DGCR2: variants seen among roughly 807,000 people sequenced by gnomAD.
The protein encoded by DGCR2 is integral membrane protein DGCR2/IDD.
In DGCR2, 24 loss-of-function variants were observed where a neutral mutation model predicts 51.6. The ratio of observed to expected loss-of-function variants is 0.47; its 90% confidence interval spans 0.34 to 0.65. The LOEUF (loss-of-function observed/expected upper bound fraction) is 0.65, where lower values mean the gene tolerates loss of function less well. Ranked by LOEUF, DGCR2 falls within the 30% of genes least tolerant of loss-of-function variation. The pLI is 0.01. For synonymous variants in DGCR2, 340 were observed against 315.4 expected (o/e 1.08, Z -0.82); for missense variants, 765 against 772.1 (o/e 0.99, Z 0.11).
intron 2 of DGCR2, among the ~76,000 whole-genome samples, chr22:19,072,710 T>C (rs1378317130): frequency 6.6e-6 from 1 of 151,862 alleles, no homozygotes; most frequent in Non-Finnish European, 1.5e-5. Flanking sequence ...CCGTCTCTAA[T>C]AAAAATGCAA....
At chr22:19,043,845 G>A (rs1020162793) in intron 7 of DGCR2, among the ~76,000 whole-genome samples, 1 of 152,172 alleles carries the variant, frequency 6.6e-6, no homozygotes, top group Non-Finnish European at 1.5e-5. Context: ...CCTCCCACGG[G>A]GCCAGGAAGC....
chr22:19,054,238 C>T (rs549279971), intron 6 of DGCR2, among the ~76,000 whole-genome samples: 6 of 152,234 alleles, frequency 3.9e-5, no homozygotes, highest in East Asian at 3.9e-4. Flanking sequence ...AAGTATAAAA[C>T]GCTTAATTAA....
At chr22:19,092,768 C>T (rs2083092631) in intron 1 of DGCR2, among the ~76,000 whole-genome samples, 1 of 152,090 alleles carries the variant, frequency 6.6e-6, no homozygotes, top group Admixed American at 6.5e-5. Context: ...AAGTCCTGTA[C>T]ACTGAAAAAT....
intron 7 of DGCR2, chr22:19,046,664 TG>T: frequency 3.0e-6 from 1 of 338,196 alleles, no homozygotes; most frequent in Non-Finnish European, 6.4e-6. Context: ...TCTCGGTTCT[TG>T]AGCACTTTCC....
At chr22:19,062,466 C>T (rs2082675146) in intron 5 of DGCR2, among the ~76,000 whole-genome samples, 3 of 152,326 alleles carry the variant, frequency 2.0e-5, no homozygotes, top group Non-Finnish European at 4.4e-5. Flanking sequence ...ATACTTAAGA[C>T]ATCAACAGCA....
intron 2 of DGCR2, among the ~76,000 whole-genome samples, chr22:19,071,418 A>C (rs1031718184): frequency 1.3e-5 from 2 of 152,232 alleles, no homozygotes; most frequent in African/African-American, 4.8e-5. Context: ...ATCACCAATA[A>C]TGAGACAAAA....
At chr22:19,101,990 G>A (rs751457270) in intron 1 of DGCR2, among the ~76,000 whole-genome samples, 2 of 152,110 alleles carry the variant, frequency 1.3e-5, no homozygotes, top group African/African-American at 4.8e-5. Context: ...GGGAAGCAGA[G>A]GTTGCAGTGA....
At chr22:19,044,768 A>C (rs1050265863) in intron 7 of DGCR2, among the ~76,000 whole-genome samples, 1 of 152,228 alleles carries the variant, frequency 6.6e-6, no homozygotes, top group African/African-American at 2.4e-5. Context: ...CTGTCATCCT[A>C]TATCTTCTTT....
In DGCR2 at chr22:19,093,784, C is replaced by T. The variant is rs370122822; in HGVS notation, c.80-4294G>A. Among the ~76,000 whole-genome samples the T allele has an allele frequency of 2.6e-5, 4 of 152,206 alleles. No homozygotes were observed. In the East Asian group the frequency reaches 7.7e-4, roughly 29 times the overall value. Reference sequence around the variant, plus strand: ...GGCCAAGGTGGGAGCAACACTTGAGCCCAGGAGTTCAAAACCAGCCTGTGC... The same window carrying T: ...GGCCAAGGTGGGAGCAACACTTGAGTCCAGGAGTTCAAAACCAGCCTGTGC... On this transcript the variant is annotated intron_variant, in intron 1 of 9. Transcript: ENST00000263196.
At chr22:19,097,856 C>T (rs992594312) in intron 1 of DGCR2, among the ~76,000 whole-genome samples, 1 of 152,062 alleles carries the variant, frequency 6.6e-6, no homozygotes, top group Non-Finnish European at 1.5e-5. Flanking sequence ...GAGACAGTCA[C>T]TTGAAGTTCT....
chr22:19,054,735 C>G (rs1342657941), intron 6 of DGCR2, among the ~76,000 whole-genome samples: 3 of 127,944 alleles, frequency 2.3e-5, no homozygotes, highest in Admixed American at 2.3e-4. Context: ...CAGTGATGCC[C>G]CACCTTAAAA....
At chr22:19,066,158 G>T (rs773405602) in intron 3 of DGCR2, among the ~76,000 whole-genome samples, 1 of 152,228 alleles carries the variant, frequency 6.6e-6, no homozygotes, top group African/African-American at 2.4e-5. Flanking sequence ...CCAGCACTTT[G>T]GGAGGCCGAG....
At chr22:19,102,899 C>T (rs538441815) in intron 1 of DGCR2, among the ~76,000 whole-genome samples, 66 of 151,852 alleles carry the variant, frequency 4.3e-4, no homozygotes, top group African/African-American at 1.6e-3. Flanking sequence ...CTAGCTACTC[C>T]GGAGGCTGAG....
chr22:19,115,080 A>G (rs2083359012), intron 1 of DGCR2, among the ~76,000 whole-genome samples: 1 of 152,184 alleles, frequency 6.6e-6, no homozygotes, highest in South Asian at 2.1e-4. Flanking sequence ...CAGGCAGAGG[A>G]GGAGGAGAAG....
Position 19,077,278 on chromosome 22 carries a change from C to T in DGCR2, c.203-9053G>A, listed in dbSNP as rs979809319. Among the ~76,000 whole-genome samples, 6 of 152,244 alleles carry T rather than the reference C, an allele frequency of 3.9e-5. No individual in the cohort carries two copies. In the South Asian group the frequency reaches 1.0e-3, roughly 26 times the overall value. ...GAAATCATTGCCAAATCCAGTGTCA[C>T]GAAGACTTTATTATGTTTTTCTAAG... On this transcript the variant is annotated intron_variant, in intron 2 of 9. Transcript: ENST00000263196.
chr22:19,094,643 G>A (rs2083118230), intron 1 of DGCR2, among the ~76,000 whole-genome samples: 1 of 152,086 alleles, frequency 6.6e-6, no homozygotes, highest in South Asian at 2.1e-4. Context: ...TCCATTCCTA[G>A]GTATTTAACC....
chr22:19,101,809 C>G (rs988649745), intron 1 of DGCR2, among the ~76,000 whole-genome samples: 1 of 149,690 alleles, frequency 6.7e-6, no homozygotes, highest in East Asian at 2.0e-4. Flanking sequence ...AATCCTAGAA[C>G]TTTGGGAGGC....
intron 1 of DGCR2, among the ~76,000 whole-genome samples, chr22:19,098,578 T>C (rs1191444500): frequency 6.6e-6 from 1 of 152,186 alleles, no homozygotes; most frequent in Non-Finnish European, 1.5e-5. Flanking sequence ...TAGGGACATT[T>C]TACATACATG....
rs546954979 is a variant in DGCR2 at position 19,067,170 on chromosome 22, G to A, written c.328+930C>T. Among the ~76,000 whole-genome samples the A allele has an allele frequency of 2.0e-5, 3 of 152,224 alleles. No individual in the cohort carries two copies. In the South Asian group the frequency reaches 6.2e-4, roughly 32 times the overall value. ...GTGCTGAAAGTCTGGGGGCTGAGGA[G>A]TAACACAAGCAGACAGGCCCAAGGC... On this transcript the variant is annotated intron_variant, in intron 3 of 9. Coordinates refer to ENST00000263196, the MANE Select transcript of DGCR2 (RefSeq NM_005137.3).
Sources: allele counts gnomAD v4.1 joint callset (sites outside exome capture counted in the v4.1 genomes callset), GRCh38; gene constraint gnomAD v4.1.1; transcripts MANE v1.5; gene names NCBI Gene and HGNC (gene_info 2026-07-23, HGNC 2026-07-21).